MPHOSPH9: variants seen among roughly 807,000 people sequenced by gnomAD.
The protein encoded by MPHOSPH9 is M-phase phosphoprotein 9.
MPHOSPH9 carries 88 observed loss-of-function variants against 145.5 expected under a neutral mutation model. The ratio of observed to expected loss-of-function variants is 0.60; its 90% CI spans 0.51 to 0.72. MPHOSPH9 has a LOEUF of 0.72. Ranked by LOEUF, MPHOSPH9 falls within the 30% of genes least tolerant of loss-of-function variation. The pLI is 0.00. For missense variants in MPHOSPH9, 1,238 were observed against 1,386.6 expected, an observed-to-expected ratio of 0.89 and a Z score of 1.70; for synonymous variants, 435 against 486.2, an observed-to-expected ratio of 0.89 and a Z score of 1.39.
At chr12:123,171,325 G>A (rs147647084) in intron 16 of MPHOSPH9, among the ~76,000 whole-genome samples, 3 of 152,094 alleles carry the variant, frequency 2.0e-5, no homozygotes, top group Non-Finnish European at 2.9e-5. Context: ...ATGGTGGCAC[G>A]TGCCTGTAGT....
intron 16 of MPHOSPH9, among the ~76,000 whole-genome samples, chr12:123,176,255 TA>T (rs1340775155): frequency 2.0e-5 from 3 of 152,078 alleles, no homozygotes; most frequent in Non-Finnish European, 4.4e-5. Context: ...CTGAAAGAAC[TA>T]AAAAAACTAG....
chr12:123,215,053 T>G (rs1403692430), intron 6 of MPHOSPH9, among the ~76,000 whole-genome samples: 1 of 152,010 alleles, frequency 6.6e-6, no homozygotes, highest in Non-Finnish European at 1.5e-5. Context: ...AACAGCCTGG[T>G]CAAGATGATG....
chr12:123,221,754 C>T lies in MPHOSPH9; in HGVS notation c.490G>A (p.Glu164Lys). ...GFFSLSSERN[E>K]SVIHYPESTE... is the part of the protein sequence containing the mutation. ...GATTCAGGATAATGGATAACAGATTCATTTCTCTCACTGCTTAGAGAAAAA... is the reference window on the plus strand; with the variant it reads ...GATTCAGGATAATGGATAACAGATTTATTTCTCTCACTGCTTAGAGAAAAA... The change falls in exon 5 of 24, where the codon GAA (glutamate) becomes AAA (lysine). Residue 164 changes from glutamate (E) to lysine (K), a missense_variant. Coordinates refer to ENST00000606320, the MANE Select transcript of MPHOSPH9 (RefSeq NM_022782.4). 6.2e-7 allele frequency: 1 copy of T among 1,614,086 alleles called. No homozygotes were observed. Among genetic ancestry groups the T allele is most frequent in the Non-Finnish European group, 8.5e-7 (1 of 1,180,024 alleles).
At chr12:123,172,983 G>C (rs2044659306) in intron 16 of MPHOSPH9, among the ~76,000 whole-genome samples, 1 of 144,208 alleles carries the variant, frequency 6.9e-6, no homozygotes, top group Non-Finnish European at 1.5e-5. Context: ...CCAGGTTGAA[G>C]TGATTCCTCA....
intron 20 of MPHOSPH9, 37 bp from the exon 21 acceptor site, chr12:123,162,255 T>A: frequency 8.4e-7 from 1 of 1,194,254 alleles, no homozygotes; most frequent in Non-Finnish European, 1.2e-6. Context: ...AGAAAAAAAA[T>A]GTTAACTGAT....
chr12:123,226,320 C>A, intron 3 of MPHOSPH9: 3 of 1,159,734 alleles, frequency 2.6e-6, no homozygotes, highest in South Asian at 1.7e-5. Context: ...ATTCTTAAAC[C>A]AGGTAATCTT....
At chr12:123,171,101 G>GTTCT (rs1480963690) in intron 16 of MPHOSPH9, among the ~76,000 whole-genome samples, 1 of 152,228 alleles carries the variant, frequency 6.6e-6, no homozygotes, top group African/African-American at 2.4e-5. Flanking sequence ...ATTTGTAAGA[G>GTTCT]TTCTTTCATC....
At chr12:123,186,164 T>C (rs893364228) in intron 13 of MPHOSPH9, among the ~76,000 whole-genome samples, 1 of 140,860 alleles carries the variant, frequency 7.1e-6, no homozygotes, top group African/African-American at 2.8e-5. Context: ...GAGGCGGAGG[T>C]TGTGGTGAGC....
intron 12 of MPHOSPH9, among the ~76,000 whole-genome samples, chr12:123,197,213 T>C (rs1445807622): frequency 6.6e-6 from 1 of 151,858 alleles, no homozygotes; most frequent in Non-Finnish European, 1.5e-5. Context: ...GACAGGGTCA[T>C]GCTCTCTTGC....
At chr12:123,208,523 G>C (rs2046548608) in intron 8 of MPHOSPH9, among the ~76,000 whole-genome samples, 1 of 101,928 alleles carries the variant, frequency 9.8e-6, no homozygotes, top group Admixed American at 1.5e-4. Flanking sequence ...GCGACAGAGT[G>C]AAACTGTCTC....
chr12:123,242,971 T>C (rs987064097), intron 1 of MPHOSPH9, among the ~76,000 whole-genome samples: 9 of 152,202 alleles, frequency 5.9e-5, no homozygotes, highest in Admixed American at 5.9e-4. Context: ...GTTTTGTGGA[T>C]TGAAAACAGG....
At chr12:123,175,354 C>A (rs923452430) in intron 16 of MPHOSPH9, among the ~76,000 whole-genome samples, 2 of 152,068 alleles carry the variant, frequency 1.3e-5, no homozygotes, top group Non-Finnish European at 1.5e-5. Context: ...AGGGTTTCAT[C>A]GTGTTAGCCA....
chr12:123,171,447 T>G (rs1339645140), intron 16 of MPHOSPH9, among the ~76,000 whole-genome samples: 2 of 119,752 alleles, frequency 1.7e-5, no homozygotes, highest in Non-Finnish European at 3.5e-5. Flanking sequence ...AGCGAGACTT[T>G]GTCTCTAAAA....
intron 21 of MPHOSPH9, 114 bp downstream of exon 21, chr12:123,162,001 G>T: frequency 1.7e-6 from 1 of 575,668 alleles, no homozygotes; most frequent in Non-Finnish European, 2.8e-6. Flanking sequence ...AGACGCCCTT[G>T]AGTGGGAAAA....
At chr12:123,165,559 G>T (rs759937685) in intron 17 of MPHOSPH9, 82 bp from the exon 18 acceptor site, 11 of 1,241,694 alleles carry the variant, frequency 8.9e-6, no homozygotes, top group Non-Finnish European at 1.3e-5. Flanking sequence ...AAACATACAT[G>T]TTGAAGCCCT....
chr12:123,155,178 G>C lies in MPHOSPH9; in HGVS notation c.*1629C>G, dbSNP rs375912156. The C allele has an allele frequency of 8.6e-5, 13 of 151,476 alleles. No homozygotes were observed. The highest frequency in any genetic ancestry group is 3.2e-4 in the African/African-American group (13 of 41,204). The allele number at this position is 151,476 out of a possible 1,614,324, so 9.4% of individuals were successfully genotyped here. A position where few individuals can be genotyped will look rare whatever the true frequency, so the allele number is the denominator to read the frequency against. On this transcript the variant is annotated 3_prime_UTR_variant, in exon 24 of 24. Coordinates refer to ENST00000606320, the MANE Select transcript of MPHOSPH9 (RefSeq NM_022782.4). ...AGATCATGCCATTGCACTCCAGCCTGGGCAACAAGGGCAAAACTCCATCTA... is the reference window on the plus strand; with the variant it reads ...AGATCATGCCATTGCACTCCAGCCTCGGCAACAAGGGCAAAACTCCATCTA...
chr12:123,197,760 C>A (rs1297147744), intron 12 of MPHOSPH9, among the ~76,000 whole-genome samples: 1 of 142,114 alleles, frequency 7.0e-6, no homozygotes, highest in East Asian at 2.1e-4. Context: ...ACAGCCTGGG[C>A]GACAGAGCGA....
At chr12:123,157,696 A>T (rs1405710022) in intron 23 of MPHOSPH9, among the ~76,000 whole-genome samples, 2 of 152,048 alleles carry the variant, frequency 1.3e-5, no homozygotes, top group Admixed American at 6.6e-5. Flanking sequence ...TATGTCACCC[A>T]GGCTGGTCTC....
intron 16 of MPHOSPH9, 45 bp downstream of exon 16, chr12:123,176,643 A>G: frequency 7.1e-7 from 1 of 1,402,288 alleles, no homozygotes; most frequent in Non-Finnish European, 1.0e-6. Flanking sequence ...TAATAAAAGC[A>G]TGCACCTATT....
Sources: gnomAD v4.1 joint callset for allele counts (sites outside exome capture counted in the v4.1 genomes callset) on GRCh38, gnomAD v4.1.1 for gene constraint, MANE v1.5 for transcripts, NCBI Gene and HGNC (gene_info 2026-07-23, HGNC 2026-07-21) for gene names.